Variants in RICTOR observed in about 807,000 individuals in gnomAD.
RICTOR encodes RPTOR independent companion of MTOR complex 2.
A neutral mutation model predicts 214.9 loss-of-function variants in RICTOR; 49 were observed. The observed-to-expected ratio is 0.23, with a 90% CI of 0.18 to 0.29. RICTOR has a LOEUF of 0.29. Among genes scored for constraint, RICTOR ranks in the 10% least tolerant of loss-of-function variants. The pLI is 1.00. For synonymous variants in RICTOR, 717 were observed against 711.3 expected, an observed-to-expected ratio of 1.01 and a Z score of -0.13; for missense variants, 1,625 against 2,047.0, an observed-to-expected ratio of 0.79 and a Z score of 3.98.
In RICTOR at chr5:38,955,631, A is replaced by G; in HGVS notation, c.2573T>C (p.Val858Ala). ...CCGACGAACATAGTTATCACCATCA[A>G]CAGGCTTCCGGTAAGTAGTAAGTGC... is the stretch of plus-strand genomic sequence containing the variant. ...NEALTTYRKP[V>A]DGDNYVRRSN... The change falls in exon 26 of 38, where the codon GTT (valine) becomes GCT (alanine). Residue 858 changes from valine (V) to alanine (A), a missense_variant. Val to Ala is a moderately conservative substitution (Grantham distance 64, BLOSUM62 0). This residue lies in a region of RICTOR where 1,214 missense variants were observed against 1,470.5 expected (regional missense o/e 0.83). Coordinates refer to ENST00000357387, the MANE Select transcript of RICTOR (RefSeq NM_152756.5). 1.2e-6 allele frequency: 2 copies of G among 1,610,466 alleles called. No individual in the cohort carries two copies. The highest frequency in any genetic ancestry group is 2.2e-5 in the East Asian group (1 of 44,842).
rs554692086 is a variant in RICTOR, at chr5:39,051,520, C to A, written c.97+22591G>T. 1.0e-3 allele frequency among the ~76,000 whole-genome samples: 154 copies of A among 152,026 alleles called. 1 individual carries two copies. The Middle Eastern group carries it at 0.01, about 10-fold the overall frequency. ...TCCCAGCACTTTGGGAGGCGAGGCA[C>A]GTGGAACACCTGAGGTCAGGAGTTG... On this transcript the variant is annotated intron_variant, in intron 2 of 37. Transcript: ENST00000357387.
At chr5:38,987,452 G>T (rs898467592) in intron 7 of RICTOR, among the ~76,000 whole-genome samples, 1 of 152,090 alleles carries the variant, frequency 6.6e-6, no homozygotes, top group Non-Finnish European at 1.5e-5. Context: ...GGGCGTATGT[G>T]TCCAGGAATT....
At chr5:38,965,703 A>G (rs901063163) in intron 15 of RICTOR, among the ~76,000 whole-genome samples, 3 of 152,056 alleles carry the variant, frequency 2.0e-5, no homozygotes, top group Non-Finnish European at 4.4e-5. Context: ...CAAGCAGCTA[A>G]ATAATTCACT....
In RICTOR at chr5:38,967,187, C is replaced by T. The variant is rs759467094; in HGVS notation, c.1192G>A (p.Ala398Thr). ...MDNYLALILSAFIRNGLLEGL... is the reference protein window; with the variant it reads ...MDNYLALILSTFIRNGLLEGL... ...TCTAAAAGTCCATTACGAATAAATG[C>T]AGAGAGTATCAGTGCCAAATAATTA... is the stretch of plus-strand genomic sequence containing the variant. The change falls in exon 14 of 38, where the codon GCA (alanine) becomes ACA (threonine). Residue 398 changes from alanine (A) to threonine (T), a missense_variant. This residue lies in a region of RICTOR where 1,214 missense variants were observed against 1,470.5 expected (regional missense o/e 0.83). Coordinates refer to ENST00000357387, the MANE Select transcript of RICTOR (RefSeq NM_152756.5). 1 of 1,611,210 alleles carries T rather than the reference C, an allele frequency of 6.2e-7. No individual in the cohort carries two copies. The highest frequency in any genetic ancestry group is 1.7e-5 in the Admixed American group (1 of 59,988).
intron 3 of RICTOR, among the ~76,000 whole-genome samples, chr5:39,016,621 T>C (rs1347197066): frequency 3.3e-5 from 5 of 151,994 alleles, no homozygotes; most frequent in Non-Finnish European, 7.4e-5. Flanking sequence ...ACCTGGGACC[T>C]AGACAGAAAT....
intron 11 of RICTOR, chr5:38,970,524 A>G (rs1157107987): frequency 6.6e-6 from 1 of 152,192 alleles, no homozygotes; most frequent in Non-Finnish European, 1.5e-5. Flanking sequence ...CTTTCCATTT[A>G]TAATTATATC....
At chr5:38,990,444 T>C (rs1285879032) in intron 7 of RICTOR, among the ~76,000 whole-genome samples, 1 of 151,006 alleles carries the variant, frequency 6.6e-6, no homozygotes, top group Non-Finnish European at 1.5e-5. Flanking sequence ...GTAACAAACC[T>C]ACACATTCTG....
At chr5:38,996,944 A>C in intron 5 of RICTOR, 62 bp from the exon 6 acceptor site, 1 of 1,100,458 alleles carries the variant, frequency 9.1e-7, no homozygotes, top group Non-Finnish European at 1.4e-6. Context: ...TTTGTATCAC[A>C]ATACTGATAG....
At chr5:39,008,315 A>G (rs1356582236) in intron 3 of RICTOR, among the ~76,000 whole-genome samples, 1 of 152,126 alleles carries the variant, frequency 6.6e-6, no homozygotes, top group East Asian at 1.9e-4. Context: ...AGTTTTATAT[A>G]TAGTATTGAT....
chr5:39,023,637 G>A (rs561117056), intron 2 of RICTOR, among the ~76,000 whole-genome samples: 1 of 152,304 alleles, frequency 6.6e-6, no homozygotes, highest in Non-Finnish European at 1.5e-5. Flanking sequence ...TAGTTTAAGA[G>A]CCATTATGAC....
chr5:38,963,075 C>T (rs371138972), intron 16 of RICTOR, 34 bp from the exon 17 acceptor site: 1 of 1,498,108 alleles, frequency 6.7e-7, no homozygotes, highest in South Asian at 1.3e-5. Context: ...AATACAGTAG[C>T]AAGACCAATA....
At chr5:39,008,731 A>AC in intron 3 of RICTOR, among the ~76,000 whole-genome samples, 1 of 152,046 alleles carries the variant, frequency 6.6e-6, no homozygotes, top group South Asian at 2.1e-4. Flanking sequence ...TTAAAAAAAA[A>AC]CTGCCCATTT....
At chr5:38,981,093 A>G (rs1334383196) in intron 8 of RICTOR, 1 of 152,216 alleles carries the variant, frequency 6.6e-6, no homozygotes, top group Non-Finnish European at 1.5e-5. Context: ...TATAATGTGA[A>G]GCATTTTTAA....
At chr5:38,992,561 T>C (rs1324460190) in intron 6 of RICTOR, among the ~76,000 whole-genome samples, 2 of 152,174 alleles carry the variant, frequency 1.3e-5, no homozygotes, top group Non-Finnish European at 2.9e-5. Context: ...AATGAAGATA[T>C]GTATGAACAG....
chr5:38,976,219 G>C (rs774519369), intron 9 of RICTOR, among the ~76,000 whole-genome samples: 2 of 152,106 alleles, frequency 1.3e-5, no homozygotes, highest in Non-Finnish European at 2.9e-5. Context: ...CTTATGGCCA[G>C]TTTCAATACT....
At chr5:39,036,044 A>T (rs1466791563) in intron 2 of RICTOR, among the ~76,000 whole-genome samples, 1 of 152,252 alleles carries the variant, frequency 6.6e-6, no homozygotes, top group Non-Finnish European at 1.5e-5. Context: ...ATGAAGGAAA[A>T]AATATTAAGG....
chr5:38,962,415 A>G (rs1471687137), intron 18 of RICTOR, 54 bp from the exon 19 acceptor site: 1 of 1,168,374 alleles, frequency 8.6e-7, no homozygotes, highest in Non-Finnish European at 1.2e-6. Flanking sequence ...TCTCACACAT[A>G]TAAGATAATT....
chr5:39,046,923 A>C (rs1025508042), intron 2 of RICTOR, among the ~76,000 whole-genome samples: 2 of 152,162 alleles, frequency 1.3e-5, no homozygotes, highest in Admixed American at 6.5e-5. Context: ...TAACAAATTC[A>C]ATTTTACCCT....
Position 38,947,428 on chromosome 5 carries a change from A to T in RICTOR, c.4150T>A (p.Leu1384Ile), listed in dbSNP as rs780263002. The change falls in exon 32 of 38, where the codon TTA becomes ATA. Residue 1384 changes from leucine to isoleucine, a missense_variant. By Grantham distance (5) the Leu-to-Ile change is conservative. This residue lies in a region of RICTOR where 1,214 missense variants were observed against 1,470.5 expected (regional missense o/e 0.83). Transcript: ENST00000357387. ...TCTTTATCTAATGATGCATAACTTA[A>T]GGCTTTCATGAACCTATAAAACCAT... ...RLTPSRFMKALSYASLDKEDL... is the reference protein window; with the variant it reads ...RLTPSRFMKAISYASLDKEDL... 1.2e-6 allele frequency: 2 copies of T among 1,608,482 alleles called. No homozygotes were observed. The highest frequency in any genetic ancestry group is 1.7e-6 in the Non-Finnish European group (2 of 1,175,386).
Sources: gnomAD v4.1 joint callset for allele counts (sites outside exome capture counted in the v4.1 genomes callset) on GRCh38, gnomAD v4.1.1 for gene constraint, gnomAD v4.1.1 regional missense constraint, MANE v1.5 for transcripts, NCBI Gene and HGNC (gene_info 2026-07-23, HGNC 2026-07-21) for gene names.